The following LRRC8C variants were observed in gnomAD, a reference collection of about 807,000 sequenced individuals.
LRRC8C encodes volume-regulated anion channel subunit LRRC8C.
In LRRC8C, 20 loss-of-function variants were observed where a neutral mutation model predicts 55.3. The observed-to-expected ratio is 0.36, with a 90% CI of 0.25 to 0.53. LRRC8C has a LOEUF of 0.53. Among genes scored for constraint, LRRC8C ranks in the 20% least tolerant of loss-of-function variants. LRRC8C has a pLI of 0.92. For synonymous variants in LRRC8C, 376 were observed against 360.7 expected (o/e 1.04, Z -0.48); for missense variants, 659 against 951.4 (o/e 0.69, Z 4.04).
chr1:89,620,724 G>T, the LRRC8C span, among the ~76,000 whole-genome samples: 1 of 152,082 alleles, frequency 6.6e-6, no homozygotes, highest in Non-Finnish European at 1.5e-5. Flanking sequence ...CTTCCTTTTA[G>T]CTACTTGAGA....
At chr1:89,682,882 T>C (rs1657760036) in intron 1 of LRRC8C, among the ~76,000 whole-genome samples, 1 of 152,226 alleles carries the variant, frequency 6.6e-6, no homozygotes, top group African/African-American at 2.4e-5. Context: ...GAGTTGAAAG[T>C]AGAATGAGCT....
At chr1:89,654,767 T>G (rs756984904) in intron 1 of LRRC8C, among the ~76,000 whole-genome samples, 1 of 152,132 alleles carries the variant, frequency 6.6e-6, no homozygotes, top group Non-Finnish European at 1.5e-5. Context: ...CCTTTTACCC[T>G]CTCTATTTGC....
chr1:89,620,041 G>A, the LRRC8C span, among the ~76,000 whole-genome samples: 2 of 152,126 alleles, frequency 1.3e-5, no homozygotes, highest in Admixed American at 6.5e-5. Context: ...AACATTTATT[G>A]CCTTAGTTTT....
intron 2 of LRRC8C, among the ~76,000 whole-genome samples, chr1:89,690,754 A>T (rs1658005639): frequency 6.6e-6 from 1 of 151,978 alleles, no homozygotes; most frequent in South Asian, 2.1e-4. Flanking sequence ...GCACAGCCCC[A>T]CAGTGTCTCT....
chr1:89,656,726 C>A (rs545245560), intron 1 of LRRC8C, among the ~76,000 whole-genome samples: 1 of 152,270 alleles, frequency 6.6e-6, no homozygotes, highest in South Asian at 2.1e-4. Context: ...TTTGGGGGTA[C>A]TGTTCGGCAC....
Position 89,714,447 on chromosome 1 carries a change from C to G in LRRC8C, c.1877C>G (p.Ser626Cys), listed in dbSNP as rs747105433. ...ELDLKENNLKSIEEIVSFQHL... is the reference protein window; with the variant it reads ...ELDLKENNLKCIEEIVSFQHL... ...GACCTGAAGGAAAACAATCTGAAAT[C>G]TATAGAAGAAATCGTTAGCTTTCAG... Residue 626 changes from serine to cysteine, a missense_variant, in exon 3 of 3, where the codon TCT becomes TGT. Physicochemically the swap from Ser to Cys is moderately radical, Grantham distance 112. Coordinates refer to ENST00000370454, the MANE Select transcript of LRRC8C (RefSeq NM_032270.5). This position sits in a 1 kb window ranked among gnomAD's most constrained non-coding sequence, Gnocchi z 4.6. 1 of 1,614,162 alleles carries G rather than the reference C, an allele frequency of 6.2e-7. No individual in the cohort carries two copies. The highest frequency in any genetic ancestry group is 8.5e-7 in the Non-Finnish European group (1 of 1,180,018).
chr1:89,631,597 A>T (rs1557642182), upstream of LRRC8C: 1 of 151,238 alleles, frequency 6.6e-6, no homozygotes, highest in Non-Finnish European at 1.5e-5. Flanking sequence ...AAGGTACTTG[A>T]ATTTTTTTTT....
At chr1:89,640,711 G>C (rs1387494053) in intron 1 of LRRC8C, among the ~76,000 whole-genome samples, 1 of 152,202 alleles carries the variant, frequency 6.6e-6, no homozygotes, top group Non-Finnish European at 1.5e-5. Flanking sequence ...TATCAACTGA[G>C]GAAGTAGCAG....
chr1:89,709,903 C>T (rs1658600498), intron 2 of LRRC8C, among the ~76,000 whole-genome samples: 1 of 152,076 alleles, frequency 6.6e-6, no homozygotes, highest in African/African-American at 2.4e-5. Context: ...AGGCGCCCGC[C>T]ACCGCGCCCG....
At chr1:89,638,285 G>A (rs1180297026) in intron 1 of LRRC8C, among the ~76,000 whole-genome samples, 1 of 152,124 alleles carries the variant, frequency 6.6e-6, no homozygotes, top group East Asian at 1.9e-4. Context: ...AGAACACAGT[G>A]GAGCTAATTT....
At chr1:89,694,712 C>T (rs750132421) in intron 2 of LRRC8C, among the ~76,000 whole-genome samples, 6 of 151,144 alleles carry the variant, frequency 4.0e-5, no homozygotes, top group Non-Finnish European at 7.4e-5. Context: ...CTCAGCTTCC[C>T]TAGTAGTTGA....
intron 1 of LRRC8C, among the ~76,000 whole-genome samples, chr1:89,648,265 G>A (rs10801760): frequency 0.56 from 84,738 of 151,808 alleles, 24,047 homozygotes; most frequent in East Asian, 0.79. Context: ...ATCTAAAATT[G>A]CAATTTAAAT....
chr1:89,657,570 G>A (rs1295504562), intron 1 of LRRC8C, among the ~76,000 whole-genome samples: 4 of 151,754 alleles, frequency 2.6e-5, no homozygotes, highest in Non-Finnish European at 2.9e-5. Context: ...GTGAAACCCC[G>A]TCTCTACTAA....
At position 89,714,559 on chromosome 1, in the gene LRRC8C, A is replaced by G. The variant is rs1214917329; in HGVS notation, c.1989A>G (p.Glu663=). The G allele has an allele frequency of 6.2e-7, 1 of 1,614,174 alleles. No individual in the cohort carries two copies. The highest frequency in any genetic ancestry group is 1.7e-5 in the Admixed American group (1 of 60,024). Reference sequence around the variant, plus strand: ...ATATAAAGAAACTCACCAGCCTGGAACGCCTGTCCTTTAGTCACAATAAAA... The same window carrying G: ...ATATAAAGAAACTCACCAGCCTGGAGCGCCTGTCCTTTAGTCACAATAAAA... ...PEHIKKLTSL[E]RLSFSHNKIE... Residue 663 remains glutamate, a synonymous_variant, in exon 3 of 3, where the codon GAA becomes GAG. Transcript: ENST00000370454. The surrounding 1 kb of genome is among the most constrained non-coding windows in gnomAD (Gnocchi z 4.6).
chr1:89,675,408 A>G (rs1230608106), intron 1 of LRRC8C, among the ~76,000 whole-genome samples: 1 of 152,200 alleles, frequency 6.6e-6, no homozygotes, highest in Non-Finnish European at 1.5e-5. Context: ...TCAGAAAGAA[A>G]GCAGCATTCC....
At chr1:89,680,647 G>A (rs908138622) in intron 1 of LRRC8C, among the ~76,000 whole-genome samples, 4 of 145,130 alleles carry the variant, frequency 2.8e-5, no homozygotes, top group African/African-American at 1.0e-4. Context: ...TGCAACCTCT[G>A]ACTCCCGGGT....
At chr1:89,655,128 T>C (rs568747084) in intron 1 of LRRC8C, among the ~76,000 whole-genome samples, 3 of 152,160 alleles carry the variant, frequency 2.0e-5, no homozygotes, top group Non-Finnish European at 4.4e-5. Flanking sequence ...TTTCCATTAT[T>C]CAAACATTGA....
chr1:89,653,051 G>A (rs923478955), intron 1 of LRRC8C, among the ~76,000 whole-genome samples: 5 of 152,156 alleles, frequency 3.3e-5, no homozygotes, highest in Non-Finnish European at 7.3e-5. Context: ...GGCTCATGAA[G>A]TGTCTTGTCC....
upstream of LRRC8C, chr1:89,632,095 G>A (rs747561103): frequency 6.6e-6 from 1 of 152,192 alleles, no homozygotes; most frequent in Admixed American, 6.5e-5. Flanking sequence ...GCATTGATAA[G>A]GCATTCCCAG....
Sources: gnomAD v4.1 joint callset for allele counts (sites outside exome capture counted in the v4.1 genomes callset) on GRCh38, gnomAD v4.1.1 for gene constraint, Gnocchi (gnomAD v3.1) non-coding constraint, MANE v1.5 for transcripts, NCBI Gene and HGNC (gene_info 2026-07-23, HGNC 2026-07-21) for gene names.